The following NTRK3 variants were observed in gnomAD, a reference collection of about 807,000 sequenced individuals.
NTRK3 encodes the protein neurotrophic receptor tyrosine kinase 3.
A neutral mutation model predicts 91.7 loss-of-function variants in NTRK3; 24 were observed. That is an observed-to-expected ratio of 0.26 (90% CI 0.19 to 0.37). NTRK3 has a LOEUF of 0.37. Among genes scored for constraint, NTRK3 ranks in the 10% least tolerant of loss-of-function variants. The pLI, the probability that NTRK3 is intolerant of heterozygous loss-of-function variation, is 1.00. For missense variants in NTRK3, 880 were observed against 1,068.9 expected (o/e 0.82, Z 2.46); for synonymous variants, 483 against 404.0 (o/e 1.20, Z -2.34).
chr15:88,183,012 A>ACCC (rs370707792), intron 5 of NTRK3, among the ~76,000 whole-genome samples: 2 of 120,010 alleles, frequency 1.7e-5, no homozygotes, highest in East Asian at 3.0e-4. Context: ...TCTTCTTGCA[A>ACCC]CCCCCCCCCG....
chr15:88,080,750 G>T (rs1363589419), intron 13 of NTRK3, among the ~76,000 whole-genome samples: 2 of 152,236 alleles, frequency 1.3e-5, no homozygotes, highest in Non-Finnish European at 1.5e-5. Flanking sequence ...AACTGAGGCT[G>T]GTTAGTCCCT....
intron 3 of NTRK3, among the ~76,000 whole-genome samples, chr15:88,202,574 C>T (rs1194501511): frequency 6.6e-6 from 1 of 152,214 alleles, no homozygotes. Context: ...ACTAAGCGAC[C>T]CATTCATGTC....
chr15:87,973,874 T>C (rs1023740406), intron 14 of NTRK3, among the ~76,000 whole-genome samples: 1 of 152,182 alleles, frequency 6.6e-6, no homozygotes, highest in African/African-American at 2.4e-5. Flanking sequence ...TTGCTCTTGC[T>C]TTCAGAGTCA....
At chr15:88,066,451 T>C (rs1443854090) in intron 13 of NTRK3, among the ~76,000 whole-genome samples, 1 of 152,222 alleles carries the variant, frequency 6.6e-6, no homozygotes, top group Admixed American at 6.5e-5. Flanking sequence ...CACACAGCCC[T>C]GCCTTTCTGA....
chr15:88,001,156 T>G (rs750801620), intron 14 of NTRK3, among the ~76,000 whole-genome samples: 8 of 152,186 alleles, frequency 5.3e-5, no homozygotes, highest in Non-Finnish European at 1.2e-4. Context: ...CTTTGAGAAA[T>G]GTCTATTCAA....
chr15:87,865,849 G>C lies in NTRK3; in HGVS notation c.*11086C>G, dbSNP rs562703595. 8.3e-5 allele frequency: 19 copies of C among 228,712 alleles called. No homozygotes were observed. In the South Asian group the frequency reaches 3.5e-3, roughly 42 times the overall value. 14.2% of individuals were successfully genotyped at this position (228,712 alleles called of 1,614,324 possible). Reference sequence around the variant, plus strand: ...TCCCCCTGTCTCCTTGTATTTTTTAGAGCATTCTCCATCACTAGATACTCA... The same window carrying C: ...TCCCCCTGTCTCCTTGTATTTTTTACAGCATTCTCCATCACTAGATACTCA... On this transcript the variant is annotated 3_prime_UTR_variant, in exon 19 of 19. Transcript: ENST00000394480.
exon 19 of NTRK3, chr15:87,876,716 AATAT>A (rs147238996): frequency 3.1e-3 from 597 of 191,846 alleles, no homozygotes; most frequent in Middle Eastern, 0.011. Flanking sequence ...TAGATATATA[AATAT>A]ATATATATAT....
At chr15:87,947,529 G>C (rs1271219386) in intron 14 of NTRK3, among the ~76,000 whole-genome samples, 1 of 152,138 alleles carries the variant, frequency 6.6e-6, no homozygotes, top group Non-Finnish European at 1.5e-5. Flanking sequence ...CCACCAGGAT[G>C]ACATTTGAAG....
rs527720725 is a variant in NTRK3 at position 88,236,021 on chromosome 15, C to T, written c.248+19885G>A. Reference sequence around the variant, plus strand: ...AGAGTGTAAACTGTTACAACCACTTCGGAAAAAGGTCAGGCAGTATCTTAT... The same window carrying T: ...AGAGTGTAAACTGTTACAACCACTTTGGAAAAAGGTCAGGCAGTATCTTAT... On this transcript the variant is annotated intron_variant, in intron 3 of 18. Coordinates refer to ENST00000394480, the Ensembl canonical transcript of NTRK3. Among the ~76,000 whole-genome samples, 20 of 152,288 alleles carry T rather than the reference C, an allele frequency of 1.3e-4. 1 individual carries two copies. The highest frequency in any genetic ancestry group is 3.4e-3 in the Middle Eastern group (1 of 294).
chr15:87,981,268 G>C, intron 14 of NTRK3: 2 of 1,592,196 alleles, frequency 1.3e-6, no homozygotes, highest in South Asian at 2.2e-5. Context: ...TGGACCTCAG[G>C]TTCCTCATAT....
At chr15:88,056,069 G>A (rs1265807249) in intron 13 of NTRK3, among the ~76,000 whole-genome samples, 1 of 151,730 alleles carries the variant, frequency 6.6e-6, no homozygotes, top group Non-Finnish European at 1.5e-5. Context: ...AGAAACAAAG[G>A]AGCATGGCAG....
At chr15:87,981,431 G>A (rs2074259903) in intron 14 of NTRK3, 2 of 1,610,840 alleles carry the variant, frequency 1.2e-6, no homozygotes, top group East Asian at 2.2e-5. Flanking sequence ...ACATGGGAAA[G>A]TATTTTTCTT....
intron 13 of NTRK3, among the ~76,000 whole-genome samples, chr15:88,061,733 A>G (rs2046237549): frequency 6.6e-6 from 1 of 152,180 alleles, no homozygotes; most frequent in South Asian, 2.1e-4. Flanking sequence ...CAGGGCCCGG[A>G]GGCTCCGTTC....
rs1458499298 is a variant in NTRK3 at position 88,023,457 on chromosome 15, T to C, written c.1585+9400A>G. ...TAATTTATGTCCATTTAAAATGTTT[T>C]ATGAAACACTGCCTACCAAGCAGGG... On this transcript the variant is annotated intron_variant, in intron 14 of 18. Coordinates refer to ENST00000394480, the Ensembl canonical transcript of NTRK3. Among the ~76,000 whole-genome samples, 63 of 152,192 alleles carry C rather than the reference T, an allele frequency of 4.1e-4. 1 individual carries two copies. Among genetic ancestry groups the C allele is most frequent in the Admixed American group, 4.1e-3 (62 of 15,288 alleles).
At chr15:87,992,672 G>A (rs1007634298) in intron 14 of NTRK3, among the ~76,000 whole-genome samples, 13 of 152,216 alleles carry the variant, frequency 8.5e-5, no homozygotes, top group African/African-American at 2.9e-4. Flanking sequence ...CCTATGAGGG[G>A]AGAACTGGTA....
At chr15:88,156,842 C>T (rs1005941628) in intron 5 of NTRK3, among the ~76,000 whole-genome samples, 2 of 152,130 alleles carry the variant, frequency 1.3e-5, no homozygotes, top group Non-Finnish European at 2.9e-5. Flanking sequence ...CACCTGGAAC[C>T]CAGTAAGTGC....
At chr15:88,194,803 A>G (rs968549315) in intron 3 of NTRK3, among the ~76,000 whole-genome samples, 1 of 152,190 alleles carries the variant, frequency 6.6e-6, no homozygotes, top group Non-Finnish European at 1.5e-5. Context: ...CATGTAACAT[A>G]TGCCATTCCC....
At chr15:87,920,677 C>G (rs1409580583) in intron 17 of NTRK3, among the ~76,000 whole-genome samples, 1 of 152,180 alleles carries the variant, frequency 6.6e-6, no homozygotes, top group Admixed American at 6.5e-5. Flanking sequence ...AATAGGGTTT[C>G]TCAGCACCTC....
chr15:87,873,905 C>G (rs377548911), exon 19 of NTRK3: 9 of 230,102 alleles, frequency 3.9e-5, no homozygotes, highest in African/African-American at 1.8e-4. Context: ...GAGCCTTCAG[C>G]GGCAACTGCC....
Sources: allele counts gnomAD v4.1 joint callset (sites outside exome capture counted in the v4.1 genomes callset), GRCh38; gene constraint gnomAD v4.1.1; transcripts MANE v1.5; gene names NCBI Gene and HGNC (gene_info 2026-07-23, HGNC 2026-07-21).